ZNF804B: variants seen among roughly 807,000 people sequenced by gnomAD.
ZNF804B encodes the protein zinc finger 804B.
Under a neutral mutation model 101.4 loss-of-function variants are expected in ZNF804B, and 80 were observed. That is an observed-to-expected ratio of 0.79 (90% CI 0.66 to 0.95). The LOEUF is 0.95. ZNF804B is among the 40% of genes least tolerant of loss of function. The pLI, the probability that ZNF804B is intolerant of heterozygous loss-of-function variation, is 0.00. For missense variants in ZNF804B, 1,673 were observed against 1,561.9 expected (o/e 1.07, Z -1.20); for synonymous variants, 622 against 558.8 (o/e 1.11, Z -1.59).
At chr7:89,163,630 A>G (rs895832643) in intron 1 of ZNF804B, among the ~76,000 whole-genome samples, 70 of 152,184 alleles carry the variant, frequency 4.6e-4, no homozygotes, top group Non-Finnish European at 2.6e-4. Context: ...TCTAGTCAAA[A>G]GCAGTTATAA....
intron 1 of ZNF804B, among the ~76,000 whole-genome samples, chr7:89,156,064 C>G (rs1394140849): frequency 1.4e-5 from 1 of 72,994 alleles, no homozygotes; most frequent in African/African-American, 4.7e-5. Flanking sequence ...TTCTTTCTTT[C>G]TTTCTTTCTC....
chr7:89,156,005 TTC>T, intron 1 of ZNF804B, among the ~76,000 whole-genome samples: 1 of 126,276 alleles, frequency 7.9e-6, no homozygotes, highest in Non-Finnish European at 1.8e-5. Context: ...CTTTCTTTCT[TTC>T]TTTCTCTCTT....
At chr7:88,816,947 G>A (rs1375704064) in intron 1 of ZNF804B, among the ~76,000 whole-genome samples, 16 of 148,388 alleles carry the variant, frequency 1.1e-4, no homozygotes, top group Middle Eastern at 3.4e-3. Flanking sequence ...GTTTATTGTG[G>A]CACTATTGAC....
intron 2 of ZNF804B, among the ~76,000 whole-genome samples, chr7:89,281,983 C>T (rs908096505): frequency 4.0e-5 from 6 of 151,848 alleles, no homozygotes; most frequent in Admixed American, 2.6e-4. Context: ...GGGCGGATCA[C>T]GAGGTCAGGA....
At chr7:88,824,679 T>A (rs1243063198) in intron 1 of ZNF804B, among the ~76,000 whole-genome samples, 2 of 152,128 alleles carry the variant, frequency 1.3e-5, no homozygotes, top group Non-Finnish European at 2.9e-5. Flanking sequence ...AGCTTGATGG[T>A]GAATAAAGCT....
intron 1 of ZNF804B, among the ~76,000 whole-genome samples, chr7:89,071,441 A>G (rs2116297979): frequency 6.6e-6 from 1 of 152,328 alleles, no homozygotes; most frequent in Admixed American, 6.5e-5. Flanking sequence ...GAAAGTCTTT[A>G]CAGGGTCATT....
At chr7:88,841,013 G>A (rs1791285656) in intron 1 of ZNF804B, among the ~76,000 whole-genome samples, 1 of 152,106 alleles carries the variant, frequency 6.6e-6, no homozygotes, top group Admixed American at 6.6e-5. Context: ...TAATCACATG[G>A]GTAAAACTAG....
chr7:88,951,538 A>G (rs1793223406), intron 1 of ZNF804B, among the ~76,000 whole-genome samples: 3 of 151,948 alleles, frequency 2.0e-5, no homozygotes, highest in Non-Finnish European at 2.9e-5. Flanking sequence ...AATATATTTT[A>G]TTTGATAATA....
At chr7:88,930,314 A>G (rs1352955452) in intron 1 of ZNF804B, among the ~76,000 whole-genome samples, 1 of 151,974 alleles carries the variant, frequency 6.6e-6, no homozygotes, top group East Asian at 1.9e-4. Flanking sequence ...AAATTTGGCC[A>G]GTGATCTGCA....
intron 1 of ZNF804B, among the ~76,000 whole-genome samples, chr7:89,198,202 A>G (rs1788583541): frequency 6.6e-6 from 1 of 151,934 alleles, no homozygotes; most frequent in Non-Finnish European, 1.5e-5. Context: ...GTTTATGGAA[A>G]TGCTACTCAC....
chr7:88,804,008 C>G (rs1424970241), intron 1 of ZNF804B, among the ~76,000 whole-genome samples: 1 of 151,946 alleles, frequency 6.6e-6, no homozygotes, highest in African/African-American at 2.4e-5. Context: ...GCAGGAGAAA[C>G]GTTTAAAAGT....
At chr7:89,217,755 G>A (rs539071702) in intron 1 of ZNF804B, among the ~76,000 whole-genome samples, 1 of 152,246 alleles carries the variant, frequency 6.6e-6, no homozygotes, top group Admixed American at 6.5e-5. Context: ...CCATGGGAGA[G>A]CATATGAAAT....
At chr7:88,839,556 A>C (rs1791266331) in intron 1 of ZNF804B, among the ~76,000 whole-genome samples, 1 of 152,040 alleles carries the variant, frequency 6.6e-6, no homozygotes, top group South Asian at 2.1e-4. Context: ...TCTTAGCTTC[A>C]AGAAATTGAA....
chr7:88,933,001 A>G (rs1343931479), intron 1 of ZNF804B, among the ~76,000 whole-genome samples: 1 of 151,912 alleles, frequency 6.6e-6, no homozygotes, highest in Non-Finnish European at 1.5e-5. Flanking sequence ...AACAACAAAA[A>G]TTACAGACCA....
rs530532908 is a variant in ZNF804B at position 89,191,497 on chromosome 7, A to G, written c.109-26658A>G. 7.9e-5 allele frequency among the ~76,000 whole-genome samples: 12 copies of G among 152,258 alleles called. No individual in the cohort carries two copies. The South Asian group carries it at 2.5e-3, about 32-fold the overall frequency. The stretch of plus-strand genomic sequence containing the variant: ...CCTGATAGAGTGTAAGAAATAGCCC[A>G]CAAATTATTGAGTTTGCTATCAACT... On this transcript the variant is annotated intron_variant, in intron 1 of 3. Coordinates refer to ENST00000333190, the MANE Select transcript of ZNF804B (RefSeq NM_181646.5).
intron 1 of ZNF804B, among the ~76,000 whole-genome samples, chr7:89,112,520 A>G (rs752614700): frequency 2.6e-5 from 4 of 152,158 alleles, no homozygotes; most frequent in African/African-American, 9.7e-5. Context: ...TGATTACTGT[A>G]CCTTTATAGT....
intron 1 of ZNF804B, among the ~76,000 whole-genome samples, chr7:88,996,188 G>T (rs1788192706): frequency 6.6e-6 from 1 of 151,958 alleles, no homozygotes. Flanking sequence ...AAAAATAGGA[G>T]ATAAAGGAAA....
chr7:89,249,551 C>T (rs771521803), intron 2 of ZNF804B, among the ~76,000 whole-genome samples: 25 of 151,972 alleles, frequency 1.6e-4, no homozygotes, highest in African/African-American at 2.7e-4. Context: ...AATAACAAAA[C>T]TAAGGCAGAA....
intron 1 of ZNF804B, among the ~76,000 whole-genome samples, chr7:89,157,066 A>G (rs1346739213): frequency 6.6e-6 from 1 of 152,156 alleles, no homozygotes; most frequent in Non-Finnish European, 1.5e-5. Context: ...TAGTAAGAAA[A>G]TCTTTTTTGG....
Sources: allele counts gnomAD v4.1 joint callset (sites outside exome capture counted in the v4.1 genomes callset), GRCh38; gene constraint gnomAD v4.1.1; transcripts MANE v1.5; gene names NCBI Gene and HGNC (gene_info 2026-07-23, HGNC 2026-07-21).